LARP4B: variants seen among roughly 807,000 people sequenced by gnomAD.
LARP4B encodes the protein La ribonucleoprotein 4B.
A neutral mutation model predicts 89.8 loss-of-function variants in LARP4B; 12 were observed. That is an observed-to-expected ratio of 0.13 (90% confidence interval 0.09 to 0.22). The LOEUF (loss-of-function observed/expected upper bound fraction) is 0.22, where lower values mean the gene tolerates loss of function less well. LARP4B is among the 10% of genes least tolerant of loss of function. The probability of loss-of-function intolerance (pLI) is 1.00; values close to 1 mark genes in which losing one functional copy is unlikely to be tolerated. For missense variants in LARP4B, 757 were observed against 947.7 expected (o/e 0.80, Z 2.64); for synonymous variants, 367 against 363.3 (o/e 1.01, Z -0.12).
intron 1 of LARP4B, among the ~76,000 whole-genome samples, chr10:927,420 T>G (rs575489547): frequency 6.6e-6 from 1 of 152,324 alleles, no homozygotes; most frequent in East Asian, 1.9e-4. Flanking sequence ...AGTTGGAATT[T>G]ATCTCCCTTC....
At chr10:808,050 TACA>T (rs1381834858), downstream of LARP4B, 4 of 152,274 alleles carry the variant, frequency 2.6e-5, no homozygotes, top group African/African-American at 7.2e-5. Flanking sequence ...AGGAATGGAA[TACA>T]ACAACTTCAG....
the LARP4B span, among the ~76,000 whole-genome samples, chr10:980,020 A>G: frequency 1.0e-3 from 153 of 152,358 alleles, no homozygotes; most frequent in African/African-American, 3.6e-3. Context: ...AAACATTCCC[A>G]TTCCAAAAGG....
At chr10:872,680 C>T (rs192370589) in intron 3 of LARP4B, among the ~76,000 whole-genome samples, 65 of 152,298 alleles carry the variant, frequency 4.3e-4, no homozygotes, top group Middle Eastern at 3.4e-3. Context: ...CAAAGGCTTC[C>T]TCCTGCAGGC....
chr10:988,137 G>T, the LARP4B span: 1 of 252,242 alleles, frequency 4.0e-6, no homozygotes, highest in Non-Finnish European at 7.8e-6. Context: ...CCTGGCCCAG[G>T]GCGCGTGGCT....
intron 1 of LARP4B, among the ~76,000 whole-genome samples, chr10:915,643 A>G (rs1836798581): frequency 6.6e-6 from 1 of 151,992 alleles, no homozygotes; most frequent in Non-Finnish European, 1.5e-5. Flanking sequence ...TCTCTACTAA[A>G]AATACAAACA....
chr10:899,905 AT>A (rs1241794185), intron 1 of LARP4B, among the ~76,000 whole-genome samples: 4 of 152,222 alleles, frequency 2.6e-5, no homozygotes, highest in Admixed American at 1.3e-4. Flanking sequence ...TTGGGAATCA[AT>A]TAGAAAAAAT....
chr10:920,386 T>C (rs1387426007), intron 1 of LARP4B, among the ~76,000 whole-genome samples: 5 of 152,242 alleles, frequency 3.3e-5, no homozygotes, highest in Non-Finnish European at 5.9e-5. Context: ...AAATCTCAGT[T>C]GACAAAATAA....
chr10:904,013 G>A (rs1033326577), intron 1 of LARP4B, among the ~76,000 whole-genome samples: 2 of 152,122 alleles, frequency 1.3e-5, no homozygotes, highest in African/African-American at 4.8e-5. Flanking sequence ...AATACAAGCT[G>A]AGCAGCACTA....
intron 5 of LARP4B, among the ~76,000 whole-genome samples, chr10:856,544 A>G (rs1207607139): frequency 1.3e-5 from 2 of 152,258 alleles, no homozygotes; most frequent in African/African-American, 4.8e-5. Context: ...AAACCTTTGC[A>G]GGAACCAAGG....
At chr10:920,230 GCT>G (rs1229266295) in intron 1 of LARP4B, among the ~76,000 whole-genome samples, 3 of 152,210 alleles carry the variant, frequency 2.0e-5, no homozygotes, top group African/African-American at 7.2e-5. Flanking sequence ...TACAGTCCTA[GCT>G]CTGTCACCAA....
At chr10:838,105 T>C (rs1260634461) in intron 7 of LARP4B, among the ~76,000 whole-genome samples, 4 of 152,218 alleles carry the variant, frequency 2.6e-5, no homozygotes, top group Non-Finnish European at 5.9e-5. Context: ...AAAATTAATC[T>C]AGGTGCAGAC....
At chr10:926,705 T>C (rs752222327) in intron 1 of LARP4B, among the ~76,000 whole-genome samples, 4 of 152,234 alleles carry the variant, frequency 2.6e-5, no homozygotes, top group Non-Finnish European at 5.9e-5. Context: ...ATGATTATCA[T>C]ACTCCCCCTA....
intron 6 of LARP4B, among the ~76,000 whole-genome samples, chr10:844,272 C>T (rs1440270979): frequency 6.6e-6 from 1 of 152,198 alleles, no homozygotes; most frequent in African/African-American, 2.4e-5. Context: ...GCACCTTTTG[C>T]GTCTACCATG....
chr10:833,656 C>A (rs1833046754), intron 8 of LARP4B, among the ~76,000 whole-genome samples: 1 of 152,128 alleles, frequency 6.6e-6, no homozygotes, highest in African/African-American at 2.4e-5. Context: ...CTTTGGGAGG[C>A]CGAGGAGGAC....
In LARP4B at chr10:920,569, T is replaced by C. The variant is rs759788870; in HGVS notation, c.-40+10859A>G. Among the ~76,000 whole-genome samples the C allele has an allele frequency of 8.6e-5, 13 of 151,788 alleles. No individual in the cohort carries two copies. In the East Asian group the frequency reaches 9.7e-4, roughly 11 times the overall value. Reference sequence around the variant, plus strand: ...CAGGCAGATCACTTGAGGCCAGGAGTTGCAGACCAGCCTGGCCAATATGGA... The same window carrying C: ...CAGGCAGATCACTTGAGGCCAGGAGCTGCAGACCAGCCTGGCCAATATGGA... On this transcript the variant is annotated intron_variant, in intron 1 of 17. Transcript: ENST00000316157.
At chr10:892,465 T>C (rs1398154532) in intron 1 of LARP4B, among the ~76,000 whole-genome samples, 1 of 152,206 alleles carries the variant, frequency 6.6e-6, no homozygotes, top group East Asian at 1.9e-4. Flanking sequence ...CAAGACAATC[T>C]TAAAAATACA....
chr10:845,959 G>C, intron 5 of LARP4B, among the ~76,000 whole-genome samples: 1 of 152,140 alleles, frequency 6.6e-6, no homozygotes, highest in East Asian at 1.9e-4. Context: ...ACAAATGAGA[G>C]GGATAGAGAG....
chr10:883,174 TTTC>T (rs1332775747), intron 3 of LARP4B, among the ~76,000 whole-genome samples: 1 of 152,214 alleles, frequency 6.6e-6, no homozygotes, highest in Non-Finnish European at 1.5e-5. Context: ...CTTATATAAT[TTTC>T]TTCTTAGACT....
At chr10:861,091 G>A (rs1459506211) in intron 5 of LARP4B, among the ~76,000 whole-genome samples, 2 of 152,090 alleles carry the variant, frequency 1.3e-5, no homozygotes, top group Non-Finnish European at 2.9e-5. Flanking sequence ...GGGAGGCGGA[G>A]GTTGCAGTGA....
Sources: gnomAD v4.1 joint callset for allele counts (sites outside exome capture counted in the v4.1 genomes callset) on GRCh38, gnomAD v4.1.1 for gene constraint, MANE v1.5 for transcripts, NCBI Gene and HGNC (gene_info 2026-07-23, HGNC 2026-07-21) for gene names.